Variants in CREG2 observed in about 807,000 individuals in gnomAD.
The protein encoded by CREG2 is protein CREG2.
A neutral mutation model predicts 26.2 loss-of-function variants in CREG2; 24 were observed. The ratio of observed to expected loss-of-function variants is 0.92; its 90% CI spans 0.66 to 1.29. CREG2 has a LOEUF of 1.29. Ranked by LOEUF, CREG2 falls within the 50% of genes most tolerant of loss-of-function variation. The pLI is 0.00. For synonymous variants in CREG2, 174 were observed against 169.2 expected, an observed-to-expected ratio of 1.03 and a Z score of -0.22; for missense variants, 366 against 398.6, an observed-to-expected ratio of 0.92 and a Z score of 0.70.
At chr2:101,361,175 AT>A (rs1399650154) in intron 2 of CREG2, among the ~76,000 whole-genome samples, 2 of 152,126 alleles carry the variant, frequency 1.3e-5, no homozygotes, top group African/African-American at 4.8e-5. Context: ...TAAAAAGGAG[AT>A]TATATATTTT....
intron 2 of CREG2, among the ~76,000 whole-genome samples, chr2:101,373,756 TA>T (rs1684747999): frequency 1.3e-5 from 2 of 152,346 alleles, no homozygotes; most frequent in African/African-American, 4.8e-5. Context: ...TGCAGGTTAC[TA>T]TGATATATGA....
At position 101,348,701 on chromosome 2, in the gene CREG2, T is replaced by G. The variant is rs1684336920; in HGVS notation, c.*2222A>C. 1 of 152,156 alleles carries G rather than the reference T, an allele frequency of 6.6e-6. No homozygotes were observed. The highest frequency in any genetic ancestry group is 1.5e-5 in the Non-Finnish European group (1 of 68,034). The allele number at this position is 152,156 out of a possible 1,614,324, so 9.4% of individuals were successfully genotyped here. ...TTTTTTTTTAAAAAAAATAGATTAT[T>G]TGGAATTTCTATGTAGGCAATCCTC... On this transcript the variant is annotated 3_prime_UTR_variant, in exon 4 of 4. Transcript: ENST00000324768.
chr2:101,380,065 C>T (rs1684849398), intron 2 of CREG2, among the ~76,000 whole-genome samples: 1 of 143,068 alleles, frequency 7.0e-6, no homozygotes, highest in African/African-American at 2.4e-5. Flanking sequence ...ATCCATCCAT[C>T]CATCATTCAT....
At chr2:101,385,002 T>C (rs1361307027) in intron 1 of CREG2, among the ~76,000 whole-genome samples, 1 of 152,208 alleles carries the variant, frequency 6.6e-6, no homozygotes, top group Admixed American at 6.5e-5. Context: ...CAGAAGCAGA[T>C]GCTGCACCAT....
intron 3 of CREG2, among the ~76,000 whole-genome samples, chr2:101,353,257 G>A (rs532777172): frequency 6.6e-6 from 1 of 152,318 alleles, no homozygotes; most frequent in Non-Finnish European, 1.5e-5. Context: ...AAGCTCTTTA[G>A]TTTAATTAGA....
chr2:101,361,785 C>T (rs113680139), intron 2 of CREG2, among the ~76,000 whole-genome samples: 43 of 152,304 alleles, frequency 2.8e-4, no homozygotes, highest in African/African-American at 9.9e-4. Flanking sequence ...TGCAACACAA[C>T]TGTGGTTACT....
In CREG2 at chr2:101,361,300, C is replaced by T. The variant is rs748462094; in HGVS notation, c.612-5934G>A. ...ATGGCCCCCCAAAGATGTCCACATC[C>T]GAATCTCTGGAACATGTGAATATGT... On this transcript the variant is annotated intron_variant, in intron 2 of 3. Transcript: ENST00000324768. Among the ~76,000 whole-genome samples the T allele has an allele frequency of 7.9e-5, 12 of 152,288 alleles. No homozygotes were observed. The South Asian group carries it at 1.2e-3, about 16-fold the overall frequency.
chr2:101,378,019 A>G (rs1684817240), intron 2 of CREG2, among the ~76,000 whole-genome samples: 1 of 152,222 alleles, frequency 6.6e-6, no homozygotes. Flanking sequence ...CATGGCCACA[A>G]TCAAATGAAT....
chr2:101,367,916 A>C (rs1684643510), intron 2 of CREG2, among the ~76,000 whole-genome samples: 1 of 152,230 alleles, frequency 6.6e-6, no homozygotes, highest in Non-Finnish European at 1.5e-5. Context: ...TGTAGCCTCC[A>C]GAAGGAAGCA....
At chr2:101,374,167 CAGT>C (rs999037047) in intron 2 of CREG2, among the ~76,000 whole-genome samples, 3 of 152,210 alleles carry the variant, frequency 2.0e-5, no homozygotes, top group African/African-American at 7.2e-5. Flanking sequence ...ACTTGAGGCC[CAGT>C]AGTTCTAGAC....
Position 101,355,250 on chromosome 2 carries a change from C to T in CREG2, c.725+3G>A, listed in dbSNP as rs1417818331. 3 of 1,586,516 alleles carry T rather than the reference C, an allele frequency of 1.9e-6. No individual in the cohort carries two copies. The highest frequency in any genetic ancestry group is 1.7e-6 in the Non-Finnish European group (2 of 1,154,834). On this transcript the variant is annotated splice_donor_region_variant and intron_variant, in intron 3 of 3. Transcript: ENST00000324768. ...GCATATAAATTTTAAAGCATTTACA[C>T]ACCTTGAAAACATGGCTTGCTTGGC...
chr2:101,379,201 C>G (rs376798063), intron 2 of CREG2, among the ~76,000 whole-genome samples: 18 of 152,194 alleles, frequency 1.2e-4, no homozygotes, highest in East Asian at 9.6e-4. Context: ...AATCTAGGAA[C>G]TTTATTGTGA....
intron 2 of CREG2, among the ~76,000 whole-genome samples, chr2:101,376,640 G>A (rs903625814): frequency 1.3e-5 from 2 of 152,126 alleles, no homozygotes; most frequent in Non-Finnish European, 2.9e-5. Context: ...TTGTGAGACC[G>A]AGTTCTGTAT....
intron 2 of CREG2, among the ~76,000 whole-genome samples, chr2:101,366,875 C>G (rs187881694): frequency 2.6e-5 from 4 of 152,072 alleles, no homozygotes; most frequent in African/African-American, 9.7e-5. Context: ...AGTATAACAA[C>G]TATTTACAGA....
Position 101,383,554 on chromosome 2 carries a change from T to G in CREG2, c.590A>C (p.Glu197Ala). ...CTACCTGCAGAACTCCCCTTCTGAT[T>G]CTGGCAGCATCAGCGAGGCCATGGG... is the stretch of plus-strand genomic sequence containing the variant. ...KNPMASLMLP[E>A]SEGEFCRKNI... Residue 197 changes from glutamate to alanine, a missense_variant, in exon 2 of 4, where the codon GAA becomes GCA. This residue lies in a region of CREG2 where 174 missense variants were observed against 178.2 expected (regional missense o/e 0.98). Transcript: ENST00000324768. 1 of 1,614,042 alleles carries G rather than the reference T, an allele frequency of 6.2e-7. No individual in the cohort carries two copies. The highest frequency in any genetic ancestry group is 1.3e-5 in the African/African-American group (1 of 75,032).
At chr2:101,351,337 A>T (rs1684378774) in intron 3 of CREG2, among the ~76,000 whole-genome samples, 1 of 152,166 alleles carries the variant, frequency 6.6e-6, no homozygotes, top group South Asian at 2.1e-4. Context: ...ATGAGCTGTG[A>T]CGCCAGTGGG....
rs1684324104 is a variant in CREG2 at position 101,347,483 on chromosome 2, G to A, written c.*3440C>T. ...ATCTGCATCCTTGTCAGCGTTTGGT[G>A]TTATCATTATTTTTTATTTTAGCAA... On this transcript the variant is annotated 3_prime_UTR_variant, in exon 4 of 4. Coordinates refer to ENST00000324768, the MANE Select transcript of CREG2 (RefSeq NM_153836.4). 1 of 152,120 alleles carries A rather than the reference G, an allele frequency of 6.6e-6. No individual in the cohort carries two copies. Among genetic ancestry groups the A allele is most frequent in the African/African-American group, 2.4e-5 (1 of 41,424 alleles). The allele number at this position is 152,120 out of a possible 1,614,324, so 9.4% of individuals were successfully genotyped here.
At chr2:101,381,440 C>T (rs1375239485) in intron 2 of CREG2, among the ~76,000 whole-genome samples, 1 of 152,228 alleles carries the variant, frequency 6.6e-6, no homozygotes, top group Admixed American at 6.5e-5. Flanking sequence ...ATGCGAACCT[C>T]ACACAGGTGA....
chr2:101,378,599 G>A (rs1573315796), intron 2 of CREG2, among the ~76,000 whole-genome samples: 1 of 152,170 alleles, frequency 6.6e-6, no homozygotes, highest in East Asian at 1.9e-4. Context: ...CATTCTTGGA[G>A]TATCCTACCT....
Sources: allele counts gnomAD v4.1 joint callset (sites outside exome capture counted in the v4.1 genomes callset), GRCh38; gene constraint gnomAD v4.1.1; regional missense constraint gnomAD v4.1.1; transcripts MANE v1.5; gene names NCBI Gene and HGNC (gene_info 2026-07-23, HGNC 2026-07-21).